Variants in BDNF observed in about 807,000 individuals in gnomAD.
The protein encoded by BDNF is brain derived neurotrophic factor.
BDNF carries 1 observed loss-of-function variant against 19.5 expected under a neutral mutation model. The observed-to-expected ratio is 0.05, with a 90% CI of 0.02 to 0.24. The LOEUF (loss-of-function observed/expected upper bound fraction) is 0.24, where lower values mean the gene tolerates loss of function less well. Ranked by LOEUF, BDNF falls within the 10% of genes least tolerant of loss-of-function variation. The probability of loss-of-function intolerance (pLI) is 1.00; values close to 1 mark genes in which losing one functional copy is unlikely to be tolerated. For missense variants in BDNF, 195 were observed against 317.6 expected, an observed-to-expected ratio of 0.61 and a Z score of 2.93; for synonymous variants, 100 against 121.6, an observed-to-expected ratio of 0.82 and a Z score of 1.17.
chr11:27,717,735 G>A (rs901372882), intron 1 of BDNF, among the ~76,000 whole-genome samples: 4 of 152,116 alleles, frequency 2.6e-5, no homozygotes. Context: ...CAATTGAAAT[G>A]TCTTGCCTTC....
At chr11:27,698,663 G>A (rs1418031576) in intron 1 of BDNF, among the ~76,000 whole-genome samples, 7 of 152,100 alleles carry the variant, frequency 4.6e-5, no homozygotes, top group Non-Finnish European at 4.4e-5. Context: ...TTAATATCAT[G>A]TCGCCTTTTA....
chr11:27,684,409 T>A (rs1857222421), intron 1 of BDNF, among the ~76,000 whole-genome samples: 1 of 152,210 alleles, frequency 6.6e-6, no homozygotes, highest in Non-Finnish European at 1.5e-5. Context: ...TATTGCCTGA[T>A]TGCCCTGGCT....
At chr11:27,661,013 A>T (rs985670046) in intron 1 of BDNF, among the ~76,000 whole-genome samples, 12 of 152,324 alleles carry the variant, frequency 7.9e-5, no homozygotes, top group African/African-American at 2.9e-4. Context: ...AAAATAATTA[A>T]TGCTTTATAT....
chr11:27,714,173 T>C (rs1860434736), intron 1 of BDNF, among the ~76,000 whole-genome samples: 1 of 152,170 alleles, frequency 6.6e-6, no homozygotes, highest in African/African-American at 2.4e-5. Context: ...TTGCAGTCTT[T>C]CTACACCCAC....
At chr11:27,682,198 A>T (rs1000713247) in intron 1 of BDNF, among the ~76,000 whole-genome samples, 3 of 152,040 alleles carry the variant, frequency 2.0e-5, no homozygotes, top group Non-Finnish European at 4.4e-5. Context: ...AGCGATTCTT[A>T]AACTGTCCCA....
chr11:27,669,224 T>C (rs1430572921), intron 1 of BDNF, among the ~76,000 whole-genome samples: 5 of 152,060 alleles, frequency 3.3e-5, no homozygotes, highest in Admixed American at 1.3e-4. Context: ...TGCTAAAAAC[T>C]CTAAATAAAC....
chr11:27,663,961 A>G (rs938295743), intron 1 of BDNF, among the ~76,000 whole-genome samples: 7 of 152,170 alleles, frequency 4.6e-5, no homozygotes, highest in Non-Finnish European at 1.0e-4. Context: ...CAAAAATTGT[A>G]GCATGTTAGA....
At chr11:27,660,837 C>T (rs1432368483) in intron 1 of BDNF, among the ~76,000 whole-genome samples, 1 of 150,742 alleles carries the variant, frequency 6.6e-6, no homozygotes, top group East Asian at 1.9e-4. Context: ...CCCACACTAA[C>T]TACTTAAAAA....
At chr11:27,713,088 A>C (rs1437440630) in intron 1 of BDNF, among the ~76,000 whole-genome samples, 1 of 151,304 alleles carries the variant, frequency 6.6e-6, no homozygotes, top group Non-Finnish European at 1.5e-5. Context: ...TAGTAGAGAC[A>C]GGGTTTTGCC....
upstream of BDNF, chr11:27,701,389 C>T: frequency 1.9e-6 from 2 of 1,034,672 alleles, no homozygotes; most frequent in Non-Finnish European, 2.3e-6. Context: ...TATTTTTTCA[C>T]GTTCCCTTCG....
intron 1 of BDNF, among the ~76,000 whole-genome samples, chr11:27,673,908 A>G (rs1855733746): frequency 6.6e-6 from 1 of 152,202 alleles, no homozygotes; most frequent in African/African-American, 2.4e-5. Context: ...ATTTAAAAAA[A>G]CAAGAGAGAT....
At chr11:27,676,855 A>C (rs918254857) in intron 1 of BDNF, 1 of 152,228 alleles carries the variant, frequency 6.6e-6, no homozygotes, top group East Asian at 1.9e-4. Flanking sequence ...GAGCATTGAA[A>C]GCCTTATACA....
intron 1 of BDNF, among the ~76,000 whole-genome samples, chr11:27,676,373 C>T (rs534493247): frequency 1.2e-4 from 18 of 151,906 alleles, no homozygotes; most frequent in Non-Finnish European, 2.5e-4. Context: ...CCACTGTGCC[C>T]GGCTCCATTT....
At chr11:27,670,150 A>T (rs1855105443) in intron 1 of BDNF, among the ~76,000 whole-genome samples, 1 of 152,146 alleles carries the variant, frequency 6.6e-6, no homozygotes, top group Admixed American at 6.6e-5. Context: ...CAAAAACAAG[A>T]AATGGGGAAA....
At chr11:27,674,695 G>A (rs1855855117) in intron 1 of BDNF, 3 of 985,432 alleles carry the variant, frequency 3.0e-6, no homozygotes, top group Non-Finnish European at 3.6e-6. Context: ...CAACAGGACT[G>A]TGAAAACATC....
chr11:27,706,728 G>A (rs1165628761), intron 1 of BDNF, among the ~76,000 whole-genome samples: 2 of 152,192 alleles, frequency 1.3e-5, no homozygotes, highest in Non-Finnish European at 2.9e-5. Flanking sequence ...AAACACAGGA[G>A]TCATGAATTA....
Position 27,658,594 on chromosome 11 carries a change from A to C in BDNF, c.-21-9T>G. The C allele has an allele frequency of 6.2e-7, 1 of 1,614,248 alleles. No homozygotes were observed. On this transcript the variant is annotated splice_polypyrimidine_tract_variant and intron_variant, in intron 1 of 1. Transcript: ENST00000356660. The surrounding 1 kb of genome is among the most constrained non-coding windows in gnomAD (Gnocchi z 5.7). ...CTTCTCACCTGGTGGAACTGTAGGG[A>C]GAAAGCAGAAACAAGACAGAAAACT...
At chr11:27,677,684 G>GC (rs1207966555) in intron 1 of BDNF, 1 of 152,208 alleles carries the variant, frequency 6.6e-6, no homozygotes, top group African/African-American at 2.4e-5. Flanking sequence ...ACTGAGGTGA[G>GC]CAGGGTATAA....
chr11:27,690,262 A>G (rs1858068699), intron 1 of BDNF, among the ~76,000 whole-genome samples: 1 of 152,208 alleles, frequency 6.6e-6, no homozygotes, highest in South Asian at 2.1e-4. Context: ...GCAGGTGAAT[A>G]CAACTCTCAA....
Sources: allele counts gnomAD v4.1 joint callset (sites outside exome capture counted in the v4.1 genomes callset), GRCh38; gene constraint gnomAD v4.1.1; non-coding constraint Gnocchi (gnomAD v3.1); transcripts MANE v1.5; gene names NCBI Gene and HGNC (gene_info 2026-07-23, HGNC 2026-07-21).